The following LRP1B variants were observed in gnomAD, a reference collection of about 807,000 sequenced individuals.
The protein encoded by LRP1B is low-density lipoprotein receptor-related protein 1B.
A neutral mutation model predicts 556.6 loss-of-function variants in LRP1B; 217 were observed. The observed-to-expected ratio is 0.39, with a 90% CI of 0.35 to 0.44. The LOEUF (loss-of-function observed/expected upper bound fraction) is 0.44, where lower values mean the gene tolerates loss of function less well. Ranked by LOEUF, LRP1B falls within the 20% of genes least tolerant of loss-of-function variation. The pLI, the probability that LRP1B is intolerant of heterozygous loss-of-function variation, is 1.00. For missense variants in LRP1B, 5,053 were observed against 5,620.8 expected, an observed-to-expected ratio of 0.90 and a Z score of 3.23; for synonymous variants, 2,047 against 1,865.8, an observed-to-expected ratio of 1.10 and a Z score of -2.50.
rs550903513 is a variant in LRP1B, at chr2:140,867,686, C to T, written c.4483G>A (p.Ala1495Thr). The change falls in exon 27 of 91, where the codon GCC becomes ACC. Residue 1495 changes from alanine to threonine, a missense_variant. Ala to Thr is a moderately conservative substitution (Grantham distance 58). Transcript: ENST00000389484. ...ACATTCTGCCCTGTCCACTTATTGG[C>T]TTTGGACAATGTGTTGGTCCTCCAG... ...TDWRTNTLSK[A>T]NKWTGQNVSV... The T allele has an allele frequency of 1.9e-6, 3 of 1,613,532 alleles. No homozygotes were observed. The highest frequency in any genetic ancestry group is 4.5e-5 in the East Asian group (2 of 44,852).
intron 2 of LRP1B, among the ~76,000 whole-genome samples, chr2:141,577,588 C>A (rs887283797): frequency 6.6e-6 from 1 of 152,160 alleles, no homozygotes; most frequent in East Asian, 1.9e-4. Context: ...GATATCCAAG[C>A]ACCTGGCAGG....
At chr2:141,552,201 C>A (rs1462088052) in intron 2 of LRP1B, among the ~76,000 whole-genome samples, 1 of 151,928 alleles carries the variant, frequency 6.6e-6, no homozygotes, top group Non-Finnish European at 1.5e-5. Context: ...GACTCAAGGA[C>A]AAAATTATTT....
chr2:141,194,736 A>G (rs16845581), intron 6 of LRP1B, among the ~76,000 whole-genome samples: 10,642 of 152,082 alleles, frequency 0.07, 478 homozygotes, highest in East Asian at 0.16. Flanking sequence ...ACTAACATCA[A>G]TGAGAGTAAC....
At chr2:141,833,300 T>A (rs1011245857) in intron 1 of LRP1B, among the ~76,000 whole-genome samples, 15 of 151,942 alleles carry the variant, frequency 9.9e-5, no homozygotes, top group African/African-American at 3.6e-4. Flanking sequence ...TGGAAATTAA[T>A]CCCACCATTT....
intron 3 of LRP1B, among the ~76,000 whole-genome samples, chr2:141,392,816 T>C (rs1690103860): frequency 6.6e-6 from 1 of 152,178 alleles, no homozygotes; most frequent in Non-Finnish European, 1.5e-5. Context: ...TCATGTATCC[T>C]ATATGAATGC....
chr2:140,538,955 C>G (rs1025005072), intron 45 of LRP1B, among the ~76,000 whole-genome samples: 2 of 152,080 alleles, frequency 1.3e-5, no homozygotes, highest in Non-Finnish European at 2.9e-5. Flanking sequence ...GAATACAATT[C>G]TTCCTCAGGT....
chr2:141,159,029 C>G (rs1232383194), intron 7 of LRP1B, among the ~76,000 whole-genome samples: 2 of 152,074 alleles, frequency 1.3e-5, no homozygotes, highest in African/African-American at 2.4e-5. Context: ...CTTCACAGTG[C>G]TTTATAATAA....
chr2:141,996,477 G>A (rs939387385), intron 1 of LRP1B, among the ~76,000 whole-genome samples: 3 of 152,136 alleles, frequency 2.0e-5, no homozygotes, highest in Admixed American at 6.6e-5. Flanking sequence ...GAGGTTAAAT[G>A]AGATAACGTG....
At chr2:141,064,911 T>G (rs1384746849) in intron 7 of LRP1B, among the ~76,000 whole-genome samples, 1 of 151,904 alleles carries the variant, frequency 6.6e-6, no homozygotes, top group African/African-American at 2.4e-5. Context: ...AACATATTTT[T>G]CCAAATCATA....
chr2:140,271,171 G>A (rs1446834325), intron 85 of LRP1B, among the ~76,000 whole-genome samples: 1 of 151,796 alleles, frequency 6.6e-6, no homozygotes, highest in Admixed American at 6.6e-5. Context: ...TAATTAGATT[G>A]GACAGTGAAA....
At chr2:141,220,338 C>T (rs192693319) in intron 6 of LRP1B, among the ~76,000 whole-genome samples, 169 of 151,946 alleles carry the variant, frequency 1.1e-3, no homozygotes, top group Admixed American at 2.3e-3. Context: ...AGCATGAAGA[C>T]TATATTGATG....
chr2:141,246,930 A>G (rs1375549175), intron 5 of LRP1B, among the ~76,000 whole-genome samples: 2 of 152,004 alleles, frequency 1.3e-5, no homozygotes, highest in Admixed American at 1.3e-4. Context: ...GTGCCATTGC[A>G]CTCCAGCTCC....
intron 42 of LRP1B, among the ~76,000 whole-genome samples, chr2:140,601,230 T>C (rs565084755): frequency 3.3e-5 from 5 of 152,160 alleles, no homozygotes; most frequent in African/African-American, 7.2e-5. Flanking sequence ...TTTAAATTTG[T>C]TTTTACTGGA....
At chr2:140,617,233 C>G (rs2105240459) in intron 41 of LRP1B, among the ~76,000 whole-genome samples, 1 of 152,042 alleles carries the variant, frequency 6.6e-6, no homozygotes, top group East Asian at 1.9e-4. Flanking sequence ...TATCTCAAAA[C>G]TACCAGAACA....
chr2:141,989,208 G>A (rs1702278023), intron 1 of LRP1B, among the ~76,000 whole-genome samples: 2 of 151,916 alleles, frequency 1.3e-5, no homozygotes, highest in Non-Finnish European at 2.9e-5. Flanking sequence ...GTCATATAAT[G>A]AGTAATTTAG....
intron 66 of LRP1B, among the ~76,000 whole-genome samples, chr2:140,425,331 G>A (rs185210277): frequency 1.3e-5 from 2 of 152,204 alleles, no homozygotes; most frequent in Admixed American, 1.3e-4. Flanking sequence ...GATCAAGGAA[G>A]CTGTATTGAG....
Position 140,306,093 on chromosome 2 carries a change from G to T in LRP1B, c.12806-8124C>A, listed in dbSNP as rs182989425. Among the ~76,000 whole-genome samples, 6 of 130,266 alleles carry T rather than the reference G, an allele frequency of 4.6e-5. 1 individual carries two copies. The East Asian group carries it at 1.2e-3, about 27-fold the overall frequency. The allele number at this position is 130,266 out of a possible 152,430, so 85.5% of individuals were successfully genotyped here. On this transcript the variant is annotated intron_variant, in intron 83 of 90. Coordinates refer to ENST00000389484, the MANE Select transcript of LRP1B (RefSeq NM_018557.3). Reference sequence around the variant, plus strand: ...AGGATTTTTGCATCGATATTCATCAGGTATATTGGTCTAACATTCTCTTTT... The same window carrying T: ...AGGATTTTTGCATCGATATTCATCATGTATATTGGTCTAACATTCTCTTTT...
At chr2:142,030,274 T>C (rs974427239) in intron 1 of LRP1B, among the ~76,000 whole-genome samples, 2 of 151,936 alleles carry the variant, frequency 1.3e-5, no homozygotes, top group African/African-American at 4.8e-5. Context: ...GGATGAGTCA[T>C]TAAAAATCAG....
intron 3 of LRP1B, among the ~76,000 whole-genome samples, chr2:141,388,392 C>T (rs775971225): frequency 8.6e-5 from 13 of 152,010 alleles, no homozygotes; most frequent in African/African-American, 2.7e-4. Flanking sequence ...GCCAAGATGG[C>T]GCCACTGCAC....
Sources: gnomAD v4.1 joint callset for allele counts (sites outside exome capture counted in the v4.1 genomes callset) on GRCh38, gnomAD v4.1.1 for gene constraint, MANE v1.5 for transcripts, NCBI Gene and HGNC (gene_info 2026-07-23, HGNC 2026-07-21) for gene names.